Variants in KRTAP5-8 observed in about 807,000 individuals in gnomAD.
KRTAP5-8 encodes keratin associated protein 5-8.
Under a neutral mutation model 2.7 loss-of-function variants are expected in KRTAP5-8, and 2 were observed. The observed-to-expected ratio is 0.75, with a 90% confidence interval of 0.30 to 2.35. KRTAP5-8 has a LOEUF of 2.35. KRTAP5-8 is among the 30% of genes most tolerant of loss of function. The pLI is 0.12. For missense variants in KRTAP5-8, 183 were observed against 227.2 expected, an observed-to-expected ratio of 0.81 and a Z score of 1.25; for synonymous variants, 62 against 89.1, an observed-to-expected ratio of 0.70 and a Z score of 1.71.
Position 71,538,755 on chromosome 11 carries a change from A to G in KRTAP5-8, c.*136A>G, listed in dbSNP as rs1008660380. 2.6e-6 allele frequency: 4 copies of G among 1,550,986 alleles called. No homozygotes were observed. In the Admixed American group the frequency reaches 5.4e-5, roughly 21 times the overall value. ...TAAGGCAGCCTAGCGTCCAGGGCTCAGTACTCAGCTGCTCAGCCTCTGAGG... is the reference window on the plus strand; with the variant it reads ...TAAGGCAGCCTAGCGTCCAGGGCTCGGTACTCAGCTGCTCAGCCTCTGAGG... On this transcript the variant is annotated 3_prime_UTR_variant, in exon 1 of 1. Transcript: ENST00000398534.
chr11:71,538,751 G>A lies in KRTAP5-8; in HGVS notation c.*132G>A. ...GGACTAAGGCAGCCTAGCGTCCAGGGCTCAGTACTCAGCTGCTCAGCCTCT... is the reference window on the plus strand; with the variant it reads ...GGACTAAGGCAGCCTAGCGTCCAGGACTCAGTACTCAGCTGCTCAGCCTCT... On this transcript the variant is annotated 3_prime_UTR_variant, in exon 1 of 1. Transcript: ENST00000398534. 3 of 1,564,728 alleles carry A rather than the reference G, an allele frequency of 1.9e-6. No individual in the cohort carries two copies. The highest frequency in any genetic ancestry group is 2.4e-5 in the South Asian group (2 of 82,228).
Position 71,538,403 on chromosome 11 carries a change from G to A in KRTAP5-8, c.348G>A (p.Gln116=). The change falls in exon 1 of 1, where the codon CAG becomes CAA. Residue 116 remains glutamine (Q), a synonymous_variant. Transcript: ENST00000398534. ...QSSCCKPCCS[Q]SSCCKPCSCS... is the part of the protein sequence containing the mutation. ...GCTGCTGCAAACCCTGCTGTTCCCA[G>A]TCCAGCTGTTGTAAGCCCTGCAGCT... 2 of 1,611,908 alleles carry A rather than the reference G, an allele frequency of 1.2e-6. No homozygotes were observed. The highest frequency in any genetic ancestry group is 2.2e-5 in the South Asian group (2 of 90,862).
At position 71,538,297 on chromosome 11, in the gene KRTAP5-8, G is replaced by T. The variant is rs777866571; in HGVS notation, c.242G>T (p.Gly81Val). The T allele has an allele frequency of 4.7e-5, 76 of 1,613,900 alleles. No homozygotes were observed. The highest frequency in any genetic ancestry group is 6.3e-5 in the Non-Finnish European group (74 of 1,180,016). Residue 81 changes from glycine to valine, a missense_variant, in exon 1 of 1, where the codon GGT becomes GTT. Physicochemically the swap from Gly to Val is moderately radical, Grantham distance 109 (BLOSUM62 -3). This residue lies in a region of KRTAP5-8 where 113 missense variants were observed against 109.3 expected (regional missense o/e 1.03). Transcript: ENST00000398534. ...TGTGGGGGCTCCAAGGGAGGCTGTG[G>T]TTCTTGTGGCTGCTCCCAGTGCAGC... Reference protein sequence around the residue: ...GSCGGSKGGCGSCGCSQCSCY... With the variant: ...GSCGGSKGGCVSCGCSQCSCY...
rs1432723400 is a variant in KRTAP5-8, at chr11:71,538,178, T to C, written c.123T>C (p.Cys41=). 12 of 1,612,214 alleles carry C rather than the reference T, an allele frequency of 7.4e-6. No homozygotes were observed. Among genetic ancestry groups the C allele is most frequent in the Non-Finnish European group, 1.0e-5 (12 of 1,179,754 alleles). ...PICCCKPVCC[C]VPACSCSSCG... ...GCTGCTGCAAGCCCGTGTGCTGCTG[T>C]GTGCCAGCCTGTTCCTGCTCCAGCT... The change falls in exon 1 of 1, where the codon TGT becomes TGC. Residue 41 remains cysteine, a synonymous_variant. Coordinates refer to ENST00000398534, the MANE Select transcript of KRTAP5-8 (RefSeq NM_021046.3).
Position 71,538,294 on chromosome 11 carries a change from G to C in KRTAP5-8, c.239G>C (p.Cys80Ser). Residue 80 changes from cysteine to serine, a missense_variant, in exon 1 of 1, where the codon TGT becomes TCT. By Grantham distance (112) the Cys-to-Ser change is moderately radical (BLOSUM62 -1). Around this residue, in one of 2 missense-constraint regions of KRTAP5-8, gnomAD observed 113 missense variants for 109.3 expected, o/e 1.03. Coordinates refer to ENST00000398534, the MANE Select transcript of KRTAP5-8 (RefSeq NM_021046.3). ...CGSCGGSKGG[C>S]GSCGCSQCSC... ...TCCTGTGGGGGCTCCAAGGGAGGCT[G>C]TGGTTCTTGTGGCTGCTCCCAGTGC... 6.2e-7 allele frequency: 1 copy of C among 1,614,020 alleles called. No individual in the cohort carries two copies. The highest frequency in any genetic ancestry group is 2.2e-5 in the East Asian group (1 of 44,888).
chr11:71,538,597 T>A lies in KRTAP5-8; in HGVS notation c.542T>A (p.Ile181Asn), dbSNP rs746581843. The A allele has an allele frequency of 3.1e-6, 5 of 1,597,408 alleles. No homozygotes were observed. In the South Asian group the frequency reaches 4.4e-5, roughly 14 times the overall value. ...CCSQSSCCVPICCQCKI is the reference protein window; with the variant it reads ...CCSQSSCCVPNCCQCKI ...TCCCAGTCCAGCTGCTGTGTCCCAA[T>A]TTGCTGCCAGTGCAAGATCTGAGGC... Residue 181 changes from isoleucine (I) to asparagine (N), a missense_variant, in exon 1 of 1, where the codon ATT (isoleucine) becomes AAT (asparagine). Transcript: ENST00000398534.
rs1219810504 is a variant in KRTAP5-8, at chr11:71,538,216, G to A, written c.161G>A (p.Gly54Glu). 3 of 1,612,832 alleles carry A rather than the reference G, an allele frequency of 1.9e-6. No individual in the cohort carries two copies. The highest frequency in any genetic ancestry group is 1.1e-5 in the South Asian group (1 of 91,006). The change falls in exon 1 of 1, where the codon GGG (glycine) becomes GAG (glutamate). Residue 54 changes from glycine to glutamate, a missense_variant. Gly to Glu is a moderately conservative substitution (Grantham distance 98). Coordinates refer to ENST00000398534, the MANE Select transcript of KRTAP5-8 (RefSeq NM_021046.3). ...ACSCSSCGSC[G>E]GSKGGRGSCG... ...TCCTGCTCCAGCTGTGGCTCCTGTG[G>A]GGGCTCCAAGGGGGGCCGTGGCTCC...
At position 71,538,779 on chromosome 11, in the gene KRTAP5-8, G is replaced by T; in HGVS notation, c.*160G>T. The T allele has an allele frequency of 6.9e-7, 1 of 1,447,278 alleles. No individual in the cohort carries two copies. Among genetic ancestry groups the T allele is most frequent in the East Asian group, 2.3e-5 (1 of 43,400 alleles). 89.7% of individuals were successfully genotyped at this position (1,447,278 alleles called of 1,614,324 possible). A position where few individuals can be genotyped will look rare whatever the true frequency, so the allele number is the denominator to read the frequency against. ...CAGTACTCAGCTGCTCAGCCTCTGA[G>T]GTCATGAGGGCTTCTGGCATGCTGG... On this transcript the variant is annotated 3_prime_UTR_variant, in exon 1 of 1. Transcript: ENST00000398534.
At position 71,538,375 on chromosome 11, in the gene KRTAP5-8, C is replaced by T. The variant is rs766169799; in HGVS notation, c.320C>T (p.Ser107Phe). The T allele has an allele frequency of 1.2e-6, 2 of 1,602,690 alleles. No homozygotes were observed. Among genetic ancestry groups the T allele is most frequent in the East Asian group, 4.6e-5 (2 of 43,782 alleles). The change falls in exon 1 of 1, where the codon TCC (serine) becomes TTC (phenylalanine). Residue 107 changes from serine to phenylalanine, a missense_variant. Ser to Phe is a radical substitution (Grantham distance 155). Transcript: ENST00000398534. ...GGCTGTGGGTCATCCTGCTGCCAGT[C>T]CAGCTGCTGCAAACCCTGCTGTTCC... is the stretch of plus-strand genomic sequence containing the variant. ...SSGCGSSCCQSSCCKPCCSQS... is the reference protein window; with the variant it reads ...SSGCGSSCCQFSCCKPCCSQS...
At position 71,538,758 on chromosome 11, in the gene KRTAP5-8, A is replaced by C; in HGVS notation, c.*139A>C. 1.3e-6 allele frequency: 2 copies of C among 1,547,246 alleles called. No individual in the cohort carries two copies. Among genetic ancestry groups the C allele is most frequent in the Non-Finnish European group, 8.8e-7 (1 of 1,140,316 alleles). ...GGCAGCCTAGCGTCCAGGGCTCAGT[A>C]CTCAGCTGCTCAGCCTCTGAGGTCA... On this transcript the variant is annotated 3_prime_UTR_variant, in exon 1 of 1. Coordinates refer to ENST00000398534, the MANE Select transcript of KRTAP5-8 (RefSeq NM_021046.3).
In KRTAP5-8 at chr11:71,538,874, C is replaced by A; in HGVS notation, c.*255C>A. On this transcript the variant is annotated 3_prime_UTR_variant, in exon 1 of 1. Coordinates refer to ENST00000398534, the MANE Select transcript of KRTAP5-8 (RefSeq NM_021046.3). ...CCTCATCACTTCAACCTTCTCAGGG[C>A]TTCAAGATCCCACATCCCTGGGCCC... 5.6e-6 allele frequency: 4 copies of A among 720,600 alleles called. No homozygotes were observed. The highest frequency in any genetic ancestry group is 6.9e-6 in the Non-Finnish European group (3 of 436,186). The allele number at this position is 720,600 out of a possible 1,614,324, so 44.6% of individuals were successfully genotyped here.
Position 71,538,955 on chromosome 11 carries a change from C to T in KRTAP5-8, c.*336C>T, listed in dbSNP as rs1950064961. 1 of 508,238 alleles carries T rather than the reference C, an allele frequency of 2.0e-6. No individual in the cohort carries two copies. The highest frequency in any genetic ancestry group is 3.6e-6 in the Non-Finnish European group (1 of 274,548). The allele number at this position is 508,238 out of a possible 1,614,324, so 31.5% of individuals were successfully genotyped here. Reference sequence around the variant, plus strand: ...ACTGGAATCCTCCGACCTGCTGCCGCCTCTCCCCGGTCCCTGCAACCTCCT... The same window carrying T: ...ACTGGAATCCTCCGACCTGCTGCCGTCTCTCCCCGGTCCCTGCAACCTCCT... On this transcript the variant is annotated 3_prime_UTR_variant, in exon 1 of 1. Transcript: ENST00000398534.
Position 71,538,092 on chromosome 11 carries a change from G to GGCTGTGGGGGCTGTGGCTCCC in KRTAP5-8, c.50_51insTGGCTCCCGCTGTGGGGGCTG (p.Ser19_Gly20insArgCysGlyGlyCysGlySer), listed in dbSNP as rs567241290. ...TGGCTGCTCTGGAGGCTGTGGCTCC[G>GGCTGTGGGGGCTGTGGCTCCC]GCTGTGGGGGCTGCGGCTCTGGCTG... is the stretch of plus-strand genomic sequence containing the variant. On this transcript the variant is annotated inframe_insertion, in exon 1 of 1. Coordinates refer to ENST00000398534, the MANE Select transcript of KRTAP5-8 (RefSeq NM_021046.3). The GGCTGTGGGGGCTGTGGCTCCC allele has an allele frequency of 6.2e-7, 1 of 1,611,010 alleles. No homozygotes were observed. The highest frequency in any genetic ancestry group is 8.5e-7 in the Non-Finnish European group (1 of 1,179,256).
In KRTAP5-8 at chr11:71,538,085, T is replaced by C. The variant is rs1456493288; in HGVS notation, c.30T>C (p.Cys10=). The C allele has an allele frequency of 6.2e-7, 1 of 1,611,646 alleles. No individual in the cohort carries two copies. Among genetic ancestry groups the C allele is most frequent in the Non-Finnish European group, 8.5e-7 (1 of 1,179,328 alleles). ...GCTGCTGTGGCTGCTCTGGAGGCTG[T>C]GGCTCCGGCTGTGGGGGCTGCGGCT... MGCCGCSGG[C]GSGCGGCGSG... The change falls in exon 1 of 1, where the codon TGT becomes TGC. Residue 10 remains cysteine, a synonymous_variant. Coordinates refer to ENST00000398534, the MANE Select transcript of KRTAP5-8 (RefSeq NM_021046.3).
Position 71,538,492 on chromosome 11 carries a change from C to T in KRTAP5-8, c.437C>T (p.Ser146Phe), listed in dbSNP as rs773138709. 1.9e-6 allele frequency: 3 copies of T among 1,610,962 alleles called. No homozygotes were observed. In the South Asian group the frequency reaches 3.3e-5, roughly 18 times the overall value. Residue 146 changes from serine to phenylalanine, a missense_variant, in exon 1 of 1, where the codon TCC becomes TTC. Around this residue, in one of 2 missense-constraint regions of KRTAP5-8, gnomAD observed 70 missense variants for 117.9 expected, o/e 0.59. Transcript: ENST00000398534. ...SSCCKPCCSQ[S>F]SCCKPCCCSS... ...TGCTGCAAGCCCTGCTGTTCCCAGT[C>T]CAGCTGCTGTAAGCCCTGCTGCTGC...
Position 71,538,046 on chromosome 11 carries a change from C to A in KRTAP5-8, c.-10C>A, listed in dbSNP as rs941477457. Reference sequence around the variant, plus strand: ...TCCTCTACCTGCTCCACCCTCAACCCACCAGAACCATGGGCTGCTGTGGCT... The same window carrying A: ...TCCTCTACCTGCTCCACCCTCAACCAACCAGAACCATGGGCTGCTGTGGCT... On this transcript the variant is annotated 5_prime_UTR_variant, in exon 1 of 1. Coordinates refer to ENST00000398534, the MANE Select transcript of KRTAP5-8 (RefSeq NM_021046.3). The A allele has an allele frequency of 2.6e-6, 4 of 1,546,240 alleles. No individual in the cohort carries two copies. Among genetic ancestry groups the A allele is most frequent in the African/African-American group, 1.6e-5 (1 of 64,414 alleles).
In KRTAP5-8 at chr11:71,538,296, G is replaced by T. The variant is rs1488635807; in HGVS notation, c.241G>T (p.Gly81Cys). ...GSCGGSKGGC[G>C]SCGCSQCSCY... ...CTGTGGGGGCTCCAAGGGAGGCTGT[G>T]GTTCTTGTGGCTGCTCCCAGTGCAG... The change falls in exon 1 of 1, where the codon GGT becomes TGT. Residue 81 changes from glycine to cysteine, a missense_variant. Gly to Cys is a radical substitution (Grantham distance 159). This residue lies in a region of KRTAP5-8 where 113 missense variants were observed against 109.3 expected (regional missense o/e 1.03). Transcript: ENST00000398534. The T allele has an allele frequency of 6.2e-7, 1 of 1,613,888 alleles. No homozygotes were observed. Among genetic ancestry groups the T allele is most frequent in the African/African-American group, 1.3e-5 (1 of 74,926 alleles).
chr11:71,538,085 T>TGGCTCCGGCTGTGGGGGCTGC lies in KRTAP5-8; in HGVS notation c.36_56dup (p.Gly20_Ser26dup). On this transcript the variant is annotated inframe_insertion, in exon 1 of 1. Transcript: ENST00000398534. ...GCTGCTGTGGCTGCTCTGGAGGCTG[T>TGGCTCCGGCTGTGGGGGCTGC]GGCTCCGGCTGTGGGGGCTGCGGCT... 1 of 1,611,646 alleles carries TGGCTCCGGCTGTGGGGGCTGC rather than the reference T, an allele frequency of 6.2e-7. No individual in the cohort carries two copies.
At position 71,538,844 on chromosome 11, in the gene KRTAP5-8, C is replaced by T. The variant is rs1591152218; in HGVS notation, c.*225C>T. 1.8e-5 allele frequency: 16 copies of T among 880,690 alleles called. No homozygotes were observed. Among genetic ancestry groups the T allele is most frequent in the Non-Finnish European group, 2.6e-5 (15 of 577,144 alleles). The allele number at this position is 880,690 out of a possible 1,614,324, so 54.6% of individuals were successfully genotyped here. On this transcript the variant is annotated 3_prime_UTR_variant, in exon 1 of 1. Transcript: ENST00000398534. ...CCCTCCCAGAATCCCCTCTTCCTTT[C>T]CTGACCTCATCACTTCAACCTTCTC...
Sources: gnomAD v4.1 joint callset for allele counts on GRCh38, gnomAD v4.1.1 for gene constraint, gnomAD v4.1.1 regional missense constraint, MANE v1.5 for transcripts, NCBI Gene and HGNC (gene_info 2026-07-23, HGNC 2026-07-21) for gene names.